Variants in DLC1 observed in about 807,000 individuals in gnomAD.
DLC1 encodes the protein rho GTPase-activating protein 7.
In DLC1, 54 loss-of-function variants were observed where a neutral mutation model predicts 140.3. That is an observed-to-expected ratio of 0.38 (90% confidence interval 0.31 to 0.48). The LOEUF (loss-of-function observed/expected upper bound fraction) is 0.48. Ranked by LOEUF, DLC1 falls within the 20% of genes least tolerant of loss-of-function variation. The pLI is 0.96. For missense variants in DLC1, 2,536 were observed against 1,907.0 expected, an observed-to-expected ratio of 1.33 and a Z score of -6.14; for synonymous variants, 986 against 728.1, an observed-to-expected ratio of 1.35 and a Z score of -5.70.
Position 13,369,780 on chromosome 8 carries a change from C to T in DLC1, c.1314+23773G>A, listed in dbSNP as rs146655714. ...GGTCTCCTGGATCCCCCTTCTTGTG[C>T]CCATAAGCTGTTCTCAACACACAGC... On this transcript the variant is annotated intron_variant, in intron 4 of 17. Transcript: ENST00000276297. 4.0e-3 allele frequency among the ~76,000 whole-genome samples: 610 copies of T among 152,046 alleles called. 8 individuals are homozygous for T. The highest frequency in any genetic ancestry group is 0.014 in the African/African-American group (571 of 41,440).
At chr8:13,206,189 A>T (rs1222235379) in intron 5 of DLC1, among the ~76,000 whole-genome samples, 1 of 152,158 alleles carries the variant, frequency 6.6e-6, no homozygotes, top group Non-Finnish European at 1.5e-5. Context: ...TGATCTAAAG[A>T]CTCATTGAGG....
chr8:13,502,349 G>T (rs1050482450), intron 1 of DLC1, among the ~76,000 whole-genome samples: 1 of 152,018 alleles, frequency 6.6e-6, no homozygotes, highest in African/African-American at 2.4e-5. Flanking sequence ...TTCTGTAAGT[G>T]TACACTTTTA....
intron 1 of DLC1, among the ~76,000 whole-genome samples, chr8:13,544,197 A>C (rs13257029): frequency 2.3e-3 from 339 of 144,866 alleles, no homozygotes; most frequent in African/African-American, 8.3e-3. Flanking sequence ...CACACACACA[A>C]ACACACACAC....
intron 1 of DLC1, among the ~76,000 whole-genome samples, chr8:13,582,156 T>G (rs527441188): frequency 6.6e-6 from 1 of 152,246 alleles, no homozygotes; most frequent in South Asian, 2.1e-4. Context: ...TCTAAGCTCT[T>G]TTTCCAACGG....
chr8:13,114,625 C>T (rs1230628224), intron 6 of DLC1, among the ~76,000 whole-genome samples: 1 of 151,776 alleles, frequency 6.6e-6, no homozygotes, highest in Non-Finnish European at 1.5e-5. Context: ...TGCCTAATTA[C>T]AAATGGTGGG....
intron 3 of DLC1, among the ~76,000 whole-genome samples, chr8:13,399,035 A>G (rs1837175837): frequency 6.6e-6 from 1 of 152,168 alleles, no homozygotes; most frequent in South Asian, 2.1e-4. Flanking sequence ...ACCAAAAGAT[A>G]CTGCAGAACA....
intron 5 of DLC1, among the ~76,000 whole-genome samples, chr8:13,161,984 G>A (rs1308980427): frequency 6.6e-6 from 1 of 152,190 alleles, no homozygotes; most frequent in African/African-American, 2.4e-5. Flanking sequence ...ATTTCAAAAT[G>A]TACCAAATTC....
At chr8:13,543,688 G>T (rs982938013) in intron 1 of DLC1, among the ~76,000 whole-genome samples, 1 of 152,134 alleles carries the variant, frequency 6.6e-6, no homozygotes, top group South Asian at 2.1e-4. Flanking sequence ...AATGTCTTTT[G>T]TAGCAACTTG....
chr8:13,411,750 T>G (rs1010744290), intron 2 of DLC1, among the ~76,000 whole-genome samples: 1 of 152,150 alleles, frequency 6.6e-6, no homozygotes, highest in Non-Finnish European at 1.5e-5. Context: ...GACTAGAAAA[T>G]TTTTAGTGTG....
chr8:13,206,474 C>T (rs1309280274), intron 5 of DLC1, among the ~76,000 whole-genome samples: 1 of 152,190 alleles, frequency 6.6e-6, no homozygotes, highest in Non-Finnish European at 1.5e-5. Flanking sequence ...TTACCTTCCC[C>T]CTTTCATTAT....
At chr8:13,452,980 G>A (rs1799138881) in intron 2 of DLC1, among the ~76,000 whole-genome samples, 1 of 151,932 alleles carries the variant, frequency 6.6e-6, no homozygotes, top group African/African-American at 2.4e-5. Flanking sequence ...TGTTGTTGTT[G>A]TTGTTTTAAT....
intron 1 of DLC1, among the ~76,000 whole-genome samples, chr8:13,573,979 A>T (rs1804752494): frequency 6.6e-6 from 1 of 152,172 alleles, no homozygotes; most frequent in South Asian, 2.1e-4. Flanking sequence ...ACAGTGCCTT[A>T]CACGTGATGG....
chr8:13,095,413 G>A, intron 10 of DLC1, 168 bp from the exon 11 acceptor site: 1 of 777,220 alleles, frequency 1.3e-6, no homozygotes, highest in Admixed American at 2.7e-5. Context: ...CAGTGGTACT[G>A]GCCACACTTC....
At chr8:13,144,271 G>A (rs1164876347) in intron 5 of DLC1, among the ~76,000 whole-genome samples, 1 of 152,164 alleles carries the variant, frequency 6.6e-6, no homozygotes, top group Non-Finnish European at 1.5e-5. Flanking sequence ...AGCTTCTCTG[G>A]CCTTCAGACT....
intron 4 of DLC1, among the ~76,000 whole-genome samples, chr8:13,318,859 A>T (rs1353938688): frequency 6.6e-6 from 1 of 152,194 alleles, no homozygotes; most frequent in Admixed American, 6.5e-5. Context: ...CACTTAACAG[A>T]GTAAAGGGAG....
chr8:13,480,509 A>G (rs556438747), intron 2 of DLC1, among the ~76,000 whole-genome samples: 1 of 152,192 alleles, frequency 6.6e-6, no homozygotes, highest in African/African-American at 2.4e-5. Flanking sequence ...GTGAATATTT[A>G]TGTATCATAA....
intron 5 of DLC1, among the ~76,000 whole-genome samples, chr8:13,162,491 T>C (rs565547983): frequency 6.6e-6 from 1 of 152,224 alleles, no homozygotes; most frequent in East Asian, 1.9e-4. Flanking sequence ...CCCGGCTAAT[T>C]TTTATATTTT....
At chr8:13,487,358 A>T (rs1449949134) in intron 2 of DLC1, among the ~76,000 whole-genome samples, 1 of 152,144 alleles carries the variant, frequency 6.6e-6, no homozygotes, top group African/African-American at 2.4e-5. Flanking sequence ...AGTTTATGTC[A>T]TTTGGAAATT....
rs1469366569 is a variant in DLC1 at position 13,479,871 on chromosome 8, G to A, written c.1023+19178C>T. The stretch of plus-strand genomic sequence containing the variant: ...AGAAGAAGAAGAAGAGAAAAAGAAA[G>A]AAAGAAAGAAAGAAAGAAAAAGAAA... On this transcript the variant is annotated intron_variant, in intron 2 of 17. Transcript: ENST00000276297. Among the ~76,000 whole-genome samples, 54 of 42,710 alleles carry A rather than the reference G, an allele frequency of 1.3e-3. 4 individuals carry two copies. The highest frequency in any genetic ancestry group is 0.019 in the Middle Eastern group (1 of 52). The allele number at this position is 42,710 out of a possible 152,430, so 28.0% of individuals were successfully genotyped here.
Sources: gnomAD v4.1 joint callset for allele counts (sites outside exome capture counted in the v4.1 genomes callset) on GRCh38, gnomAD v4.1.1 for gene constraint, MANE v1.5 for transcripts, NCBI Gene and HGNC (gene_info 2026-07-23, HGNC 2026-07-21) for gene names.